KLRG1: variants seen among roughly 807,000 people sequenced by gnomAD.
KLRG1 encodes killer cell lectin like receptor G1.
A neutral mutation model predicts 21.8 loss-of-function variants in KLRG1; 16 were observed. The observed-to-expected ratio is 0.73, with a 90% CI of 0.50 to 1.11. The LOEUF is 1.11. Ranked by LOEUF, KLRG1 falls within the 50% of genes most tolerant of loss-of-function variation. The pLI is 0.00. For missense variants in KLRG1, 173 were observed against 218.3 expected (o/e 0.79, Z 1.31); for synonymous variants, 69 against 75.9 (o/e 0.91, Z 0.47).
the KLRG1 span, chr12:9,098,889 T>C: frequency 1.1e-6 from 1 of 940,282 alleles, no homozygotes; most frequent in Non-Finnish European, 1.6e-6. Context: ...TGGCATTGTG[T>C]CAATCCTGAA....
rs114855169 is a variant in KLRG1 at position 8,951,087 on chromosome 12, A to G, written c.-156+851A>G. Among the ~76,000 whole-genome samples the G allele has an allele frequency of 9.1e-3, 1,389 of 152,266 alleles. 23 individuals carry two copies. The highest frequency in any genetic ancestry group is 0.032 in the African/African-American group (1,329 of 41,478). ...CTGAAAATGAAAGTAATTTGTGATCAGATAACACAGAAAACAACAAAACAA... is the reference window on the plus strand; with the variant it reads ...CTGAAAATGAAAGTAATTTGTGATCGGATAACACAGAAAACAACAAAACAA... On this transcript the variant is annotated intron_variant, in intron 1 of 4. Coordinates refer to the KLRG1 transcript ENST00000539240.
chr12:8,973,383 A>G (rs1217528876), intron 1 of KLRG1, among the ~76,000 whole-genome samples: 2 of 152,134 alleles, frequency 1.3e-5, no homozygotes, highest in African/African-American at 2.4e-5. Context: ...CTTTGCCCTC[A>G]TGAATGGAAT....
upstream of KLRG1, among the ~76,000 whole-genome samples, chr12:8,985,565 G>A (rs760170861): frequency 6.6e-6 from 1 of 152,318 alleles, no homozygotes; most frequent in East Asian, 1.9e-4. Context: ...TGACCAATAA[G>A]CTTCAAGTTG....
the KLRG1 span, among the ~76,000 whole-genome samples, chr12:9,062,925 T>A: frequency 6.6e-6 from 1 of 151,904 alleles, no homozygotes; most frequent in Non-Finnish European, 1.5e-5. Context: ...TAGGGTAAAA[T>A]GACAGCTACA....
chr12:9,112,396 G>T, the KLRG1 span: 27 of 1,613,770 alleles, frequency 1.7e-5, no homozygotes, highest in Non-Finnish European at 3.4e-6. Flanking sequence ...CTGGTTTGTA[G>T]ATTGATTTGT....
chr12:9,109,172 G>T, the KLRG1 span: 1 of 607,910 alleles, frequency 1.6e-6, no homozygotes. Context: ...AAAAGCAACA[G>T]GAGAATAACA....
the KLRG1 span, among the ~76,000 whole-genome samples, chr12:9,050,013 C>G: frequency 1.5e-3 from 229 of 152,232 alleles, 1 homozygote; most frequent in African/African-American, 5.1e-3. Context: ...AATTGTTGAT[C>G]CTGACTTGCC....
the KLRG1 span, among the ~76,000 whole-genome samples, chr12:9,190,540 T>C: frequency 6.6e-6 from 1 of 151,800 alleles, no homozygotes; most frequent in East Asian, 1.9e-4. Flanking sequence ...TTGAGGCCTA[T>C]TGGAGGGTGG....
chr12:9,138,694 C>T, the KLRG1 span, among the ~76,000 whole-genome samples: 193 of 152,110 alleles, frequency 1.3e-3, no homozygotes, highest in Non-Finnish European at 2.1e-3. Context: ...TAGGTCTGTT[C>T]AAACTTTCTT....
At chr12:9,091,019 AG>A in the KLRG1 span, among the ~76,000 whole-genome samples, 5 of 152,204 alleles carry the variant, frequency 3.3e-5, no homozygotes, top group African/African-American at 1.2e-4. Context: ...AAGGGTTATA[AG>A]GGCTAGAAAC....
chr12:9,109,504 G>A, the KLRG1 span: 3 of 913,022 alleles, frequency 3.3e-6, no homozygotes, highest in Middle Eastern at 2.1e-4. Context: ...AATATTTTAG[G>A]GCTCTGAAAA....
the KLRG1 span, among the ~76,000 whole-genome samples, chr12:9,210,299 A>G: frequency 8.5e-5 from 13 of 152,282 alleles, no homozygotes; most frequent in East Asian, 1.7e-3. Flanking sequence ...TAATGACTTT[A>G]CACATCTTTT....
the KLRG1 span, among the ~76,000 whole-genome samples, chr12:9,197,441 G>A: frequency 1.3e-3 from 171 of 130,000 alleles, no homozygotes; most frequent in Middle Eastern, 0.017. Flanking sequence ...AATTATTGGA[G>A]TACTGCTTAA....
At chr12:9,125,925 G>A in the KLRG1 span, among the ~76,000 whole-genome samples, 1 of 152,120 alleles carries the variant, frequency 6.6e-6, no homozygotes, top group African/African-American at 2.4e-5. Flanking sequence ...AGTAGAGACG[G>A]GGTTTCACCA....
chr12:9,135,411 C>T, the KLRG1 span: 1 of 349,344 alleles, frequency 2.9e-6, no homozygotes, highest in African/African-American at 2.3e-5. Context: ...TATGAGATGT[C>T]TGTCCTGCAG....
At chr12:9,166,060 C>T in the KLRG1 span, 3 of 1,606,078 alleles carry the variant, frequency 1.9e-6, no homozygotes, top group Non-Finnish European at 2.5e-6. Flanking sequence ...ACTTCACTGC[C>T]ACCAACTCCC....
At chr12:9,088,667 T>G in the KLRG1 span, among the ~76,000 whole-genome samples, 1 of 152,136 alleles carries the variant, frequency 6.6e-6, no homozygotes, top group Non-Finnish European at 1.5e-5. Context: ...TGTATTAAAT[T>G]TTTCCTGTAA....
At chr12:9,176,472 GAAAT>G in the KLRG1 span, among the ~76,000 whole-genome samples, 196 of 152,158 alleles carry the variant, frequency 1.3e-3, 1 homozygote, top group Admixed American at 2.4e-3. Flanking sequence ...GTTGAAGAAA[GAAAT>G]AAATAAATAA....
chr12:8,972,166 T>A (rs1946579638), intron 1 of KLRG1, among the ~76,000 whole-genome samples: 1 of 151,846 alleles, frequency 6.6e-6, no homozygotes, highest in South Asian at 2.1e-4. Flanking sequence ...TAATCCATTT[T>A]TTCTTTTTTG....
Sources: allele counts gnomAD v4.1 joint callset (sites outside exome capture counted in the v4.1 genomes callset), GRCh38; gene constraint gnomAD v4.1.1; transcripts MANE v1.5; gene names NCBI Gene and HGNC (gene_info 2026-07-23, HGNC 2026-07-21).